The following EYS variants were observed in gnomAD, a reference collection of about 807,000 sequenced individuals.
EYS encodes the protein protein eyes shut homolog.
EYS carries 250 observed loss-of-function variants against 282.1 expected under a neutral mutation model. The observed-to-expected ratio is 0.89, with a 90% CI of 0.80 to 0.98. The LOEUF (loss-of-function observed/expected upper bound fraction) is 0.98, where lower values mean the gene tolerates loss of function less well. Among genes scored for constraint, EYS ranks in the 50% least tolerant of loss-of-function variants. The probability of loss-of-function intolerance (pLI) is 0.00; values close to 1 mark genes in which losing one functional copy is unlikely to be tolerated. For synonymous variants in EYS, 1,355 were observed against 1,282.9 expected, an observed-to-expected ratio of 1.06 and a Z score of -1.20; for missense variants, 4,016 against 3,709.0, an observed-to-expected ratio of 1.08 and a Z score of -2.15.
intron 8 of EYS, among the ~76,000 whole-genome samples, chr6:65,376,868 T>A (rs1765387386): frequency 6.6e-6 from 1 of 152,080 alleles, no homozygotes; most frequent in Admixed American, 6.6e-5. Context: ...CCCAGATTCA[T>A]AAAAATAAAT....
chr6:65,068,872 T>G (rs2150164378), intron 12 of EYS, among the ~76,000 whole-genome samples: 1 of 152,188 alleles, frequency 6.6e-6, no homozygotes, highest in South Asian at 2.1e-4. Context: ...CTCATGCTAT[T>G]TATAAACCTT....
At chr6:65,068,577 T>C (rs1583453281) in intron 12 of EYS, among the ~76,000 whole-genome samples, 1 of 152,198 alleles carries the variant, frequency 6.6e-6, no homozygotes, top group East Asian at 1.9e-4. Context: ...TGTGTGTCTA[T>C]GTACCAACAT....
intron 19 of EYS, among the ~76,000 whole-genome samples, chr6:64,823,736 C>T (rs1270067356): frequency 6.6e-6 from 1 of 151,886 alleles, no homozygotes; most frequent in Admixed American, 6.6e-5. Context: ...ACTTCCAGGT[C>T]ACACAGGCCA....
intron 26 of EYS, among the ~76,000 whole-genome samples, chr6:64,521,410 G>T (rs1233526646): frequency 1.3e-5 from 2 of 151,678 alleles, no homozygotes; most frequent in African/African-American, 4.8e-5. Context: ...CTCATGAGGG[G>T]CTACCACAGA....
At chr6:65,506,460 CTTTTTTTTTTTTTTTTTTTTTTTTTTT>C (rs58326040) in intron 2 of EYS, among the ~76,000 whole-genome samples, 3 of 64,858 alleles carry the variant, frequency 4.6e-5, no homozygotes, top group African/African-American at 6.1e-5. Context: ...TCCTTCCTTT[CTTTTTTTTTTTTTTTTTTTTTTTTTTT>C]TTTTTTTTTT....
intron 12 of EYS, among the ~76,000 whole-genome samples, chr6:65,161,320 C>T (rs943500359): frequency 6.6e-6 from 1 of 151,092 alleles, no homozygotes; most frequent in East Asian, 2.0e-4. Context: ...AAATGTCATC[C>T]ATTTCAGGAA....
intron 26 of EYS, among the ~76,000 whole-genome samples, chr6:64,479,164 A>G (rs777360680): frequency 3.9e-5 from 6 of 151,982 alleles, no homozygotes; most frequent in Non-Finnish European, 8.8e-5. Flanking sequence ...TTATCAAGAG[A>G]TTAGCATTAC....
At chr6:64,606,610 T>C (rs1205378850) in intron 24 of EYS, among the ~76,000 whole-genome samples, 1 of 152,100 alleles carries the variant, frequency 6.6e-6, no homozygotes, top group African/African-American at 2.4e-5. Context: ...TTTTAGAACA[T>C]TAAGAACAAT....
intron 5 of EYS, among the ~76,000 whole-genome samples, chr6:65,421,824 G>A (rs547995781): frequency 4.0e-4 from 61 of 151,944 alleles, no homozygotes; most frequent in Admixed American, 2.0e-3. Context: ...CGGTCAGTTG[G>A]AAGCAATCAG....
chr6:65,553,799 C>A (rs1418517873), intron 2 of EYS, among the ~76,000 whole-genome samples: 1 of 152,010 alleles, frequency 6.6e-6, no homozygotes, highest in Non-Finnish European at 1.5e-5. Context: ...ATGTCCAAAT[C>A]TCAAGCTGAT....
chr6:65,043,025 C>A (rs79388817), intron 13 of EYS, among the ~76,000 whole-genome samples: 2 of 151,170 alleles, frequency 1.3e-5, no homozygotes, highest in Non-Finnish European at 3.0e-5. Context: ...TCTATAGGAC[C>A]GGGATGGCCT....
intron 26 of EYS, among the ~76,000 whole-genome samples, chr6:64,521,108 T>C (rs2150525540): frequency 6.6e-6 from 1 of 151,880 alleles, no homozygotes; most frequent in South Asian, 2.1e-4. Flanking sequence ...AACATTTGCC[T>C]TATCTGAACA....
At chr6:63,894,375 T>C (rs978994707) in intron 35 of EYS, among the ~76,000 whole-genome samples, 1 of 152,160 alleles carries the variant, frequency 6.6e-6, no homozygotes. Context: ...GAGACGTCCA[T>C]GTGAAGACAG....
intron 29 of EYS, among the ~76,000 whole-genome samples, chr6:64,385,977 C>T (rs679677): frequency 0.63 from 96,023 of 151,978 alleles, 31,062 homozygotes; most frequent in South Asian, 0.71. Flanking sequence ...TTGCTGATTC[C>T]CAATTCTCAG....
intron 12 of EYS, among the ~76,000 whole-genome samples, chr6:65,254,222 G>A (rs1355023801): frequency 6.6e-6 from 1 of 151,792 alleles, no homozygotes; most frequent in African/African-American, 2.4e-5. Flanking sequence ...ACACCCTGAT[G>A]TATATACAGA....
chr6:64,319,732 CAGAT>C (rs1001562149), intron 29 of EYS, among the ~76,000 whole-genome samples: 15 of 98,578 alleles, frequency 1.5e-4, no homozygotes, highest in African/African-American at 5.1e-4. Flanking sequence ...GATGGATAGA[CAGAT>C]AGATAGACAG....
chr6:65,184,555 A>G (rs1379933191), intron 12 of EYS, among the ~76,000 whole-genome samples: 1 of 151,514 alleles, frequency 6.6e-6, no homozygotes, highest in Non-Finnish European at 1.5e-5. Context: ...GAACAAATAT[A>G]TAAATCCTGA....
intron 2 of EYS, among the ~76,000 whole-genome samples, chr6:65,637,613 G>A (rs999057253): frequency 2.6e-5 from 4 of 152,324 alleles, no homozygotes; most frequent in South Asian, 4.1e-4. Context: ...GCCATAGCAG[G>A]CTTGAAAGTA....
chr6:64,676,305 A>C lies in EYS; in HGVS notation c.3444-50060T>G, dbSNP rs1265325415. 2.2e-4 allele frequency among the ~76,000 whole-genome samples: 31 copies of C among 142,606 alleles called. No homozygotes were observed. The Admixed American group carries it at 2.2e-3, about 10-fold the overall frequency. 93.6% of individuals were successfully genotyped at this position (142,606 alleles called of 152,430 possible). ...AAGTTTCCAATATATCTATATCTAT[A>C]TCCAATATATCTATATATATATATC... On this transcript the variant is annotated intron_variant, in intron 22 of 42. Coordinates refer to ENST00000503581, the MANE Select transcript of EYS (RefSeq NM_001142800.2).
Sources: gnomAD v4.1 joint callset for allele counts (sites outside exome capture counted in the v4.1 genomes callset) on GRCh38, gnomAD v4.1.1 for gene constraint, MANE v1.5 for transcripts, NCBI Gene and HGNC (gene_info 2026-07-23, HGNC 2026-07-21) for gene names.